FGL1: variants seen among roughly 807,000 people sequenced by gnomAD.
FGL1 encodes fibrinogen like 1.
Under a neutral mutation model 43.7 loss-of-function variants are expected in FGL1, and 59 were observed. The observed-to-expected ratio is 1.35, with a 90% CI of 1.10 to 1.68. FGL1 has a LOEUF of 1.68. Ranked by LOEUF, FGL1 falls within the 40% of genes most tolerant of loss-of-function variation. The probability of loss-of-function intolerance (pLI) is 0.00; values close to 1 mark genes in which losing one functional copy is unlikely to be tolerated. For synonymous variants in FGL1, 192 were observed against 126.5 expected, an observed-to-expected ratio of 1.52 and a Z score of -3.48; for missense variants, 596 against 373.0, an observed-to-expected ratio of 1.60 and a Z score of -4.92.
At chr8:17,883,985 A>G (rs2053590525) in intron 2 of FGL1, among the ~76,000 whole-genome samples, 2 of 130,546 alleles carry the variant, frequency 1.5e-5, no homozygotes. Flanking sequence ...TCCCATCCCT[A>G]GGTCCAAGTC....
chr8:17,880,194 G>A (rs1480821281), intron 3 of FGL1, among the ~76,000 whole-genome samples: 4 of 152,132 alleles, frequency 2.6e-5, no homozygotes, highest in Non-Finnish European at 5.9e-5. Flanking sequence ...TGATCTCTAA[G>A]GGCCAGAGGG....
At chr8:17,864,985 T>C (rs1056172486) in intron 7 of FGL1, among the ~76,000 whole-genome samples, 4 of 152,058 alleles carry the variant, frequency 2.6e-5, no homozygotes, top group African/African-American at 9.7e-5. Flanking sequence ...AGTGTCTCAC[T>C]GTGTTGCCCT....
intron 3 of FGL1, among the ~76,000 whole-genome samples, chr8:17,881,392 C>T (rs958178113): frequency 1.3e-4 from 20 of 151,890 alleles, no homozygotes; most frequent in African/African-American, 4.8e-4. Context: ...ACCTAGGCCT[C>T]CCAACGTGCT....
chr8:17,882,809 T>TAAATA (rs1424545986), intron 2 of FGL1: 8 of 118,668 alleles, frequency 6.7e-5, no homozygotes, highest in Middle Eastern at 4.7e-3. Context: ...TATTAAACAA[T>TAAATA]ATATAATATA....
chr8:17,868,653 C>G lies in FGL1; in HGVS notation c.674G>C (p.Trp225Ser). Residue 225 changes from tryptophan (W) to serine (S), a missense_variant, in exon 7 of 8, where the codon TGG becomes TCG. Trp to Ser is a radical substitution (Grantham distance 177). Transcript: ENST00000427924. ...TTTCATTCTTTGGTGACTAGCCCAC[C>G]ACTGCACCTCAGGATGAAAATTCCC... The part of the protein sequence containing the change: ...LAGNFHPEVQ[W>S]WASHQRMKFS... 1 of 1,614,088 alleles carries G rather than the reference C, an allele frequency of 6.2e-7. No individual in the cohort carries two copies. Among genetic ancestry groups the G allele is most frequent in the African/African-American group, 1.3e-5 (1 of 75,030 alleles).
chr8:17,864,465 G>C lies in FGL1; in HGVS notation c.*127C>G, dbSNP rs536295511. The C allele has an allele frequency of 3.1e-6, 3 of 980,266 alleles. No individual in the cohort carries two copies. The highest frequency in any genetic ancestry group is 4.4e-6 in the Non-Finnish European group (3 of 684,594). The allele number at this position is 980,266 out of a possible 1,614,324, so 60.7% of individuals were successfully genotyped here. ...AAAGCACATTAAGTAACAAAGGCAAGTGAGAAGAATGAAAAGCACTACTCA... is the reference window on the plus strand; with the variant it reads ...AAAGCACATTAAGTAACAAAGGCAACTGAGAAGAATGAAAAGCACTACTCA... On this transcript the variant is annotated 3_prime_UTR_variant, in exon 8 of 8. Transcript: ENST00000427924.
rs199534741 is a variant in FGL1, at chr8:17,868,652, C to G, written c.675G>C (p.Trp225Cys). Residue 225 changes from tryptophan (W) to cysteine (C), a missense_variant, in exon 7 of 8, where the codon TGG becomes TGC. Transcript: ENST00000427924. ...ATTTCATTCTTTGGTGACTAGCCCA[C>G]CACTGCACCTCAGGATGAAAATTCC... is the stretch of plus-strand genomic sequence containing the variant. ...LAGNFHPEVQ[W>C]WASHQRMKFS... 1 of 1,614,080 alleles carries G rather than the reference C, an allele frequency of 6.2e-7. No individual in the cohort carries two copies.
At chr8:17,893,086 A>G (rs377040778) in intron 1 of FGL1, among the ~76,000 whole-genome samples, 42 of 152,258 alleles carry the variant, frequency 2.8e-4, no homozygotes, top group African/African-American at 1.0e-3. Flanking sequence ...CTTTTATCCC[A>G]GCTACTGTGT....
intron 2 of FGL1, chr8:17,882,717 T>C (rs2053555634): frequency 1.7e-5 from 2 of 119,412 alleles, no homozygotes; most frequent in South Asian, 4.6e-4. Context: ...ATATATTATA[T>C]ATATTATATA....
At chr8:17,874,337 A>C in intron 4 of FGL1, 25 bp downstream of exon 4, 1 of 1,599,208 alleles carries the variant, frequency 6.3e-7, no homozygotes, top group South Asian at 1.1e-5. Context: ...GCTACATATA[A>C]AGTCTTACAT....
At position 17,882,092 on chromosome 8, in the gene FGL1, T is replaced by C. The variant is rs1430064702; in HGVS notation, c.151A>G (p.Ile51Val). The C allele has an allele frequency of 6.2e-7, 1 of 1,614,066 alleles. No homozygotes were observed. Among genetic ancestry groups the C allele is most frequent in the East Asian group, 2.2e-5 (1 of 44,870 alleles). Residue 51 changes from isoleucine (I) to valine (V), a missense_variant, in exon 3 of 8, where the codon ATC (isoleucine) becomes GTC (valine). Transcript: ENST00000427924. ...TCATTCTCCTGCAAAAGCTGCTTGATCTTGACCTGTTGCTGTTTGACCCGG... is the reference window on the plus strand; with the variant it reads ...TCATTCTCCTGCAAAAGCTGCTTGACCTTGACCTGTTGCTGTTTGACCCGG... ...ETRVKQQQVKIKQLLQENEVQ... is the reference protein window; with the variant it reads ...ETRVKQQQVKVKQLLQENEVQ...
chr8:17,872,302 T>TTTATTATTATTATTATCA (rs1554563590), intron 5 of FGL1, among the ~76,000 whole-genome samples: 1 of 146,798 alleles, frequency 6.8e-6, no homozygotes, highest in Non-Finnish European at 1.5e-5. Flanking sequence ...TCTTAATTAC[T>TTTATTATTATTATTATCA]TTATTATTAT....
chr8:17,868,506 T>C (rs977643247), intron 7 of FGL1, 42 bp downstream of exon 7: 1 of 1,470,822 alleles, frequency 6.8e-7, no homozygotes, highest in Non-Finnish European at 9.2e-7. Context: ...ATCAGTGAGA[T>C]ATCATCAACT....
intron 3 of FGL1, among the ~76,000 whole-genome samples, chr8:17,881,551 C>T (rs923159141): frequency 4.6e-5 from 7 of 150,726 alleles, no homozygotes; most frequent in Middle Eastern, 3.4e-3. Flanking sequence ...AGTAAAGTGT[C>T]GGCTGGGCAC....
intron 1 of FGL1, among the ~76,000 whole-genome samples, chr8:17,887,155 C>T (rs565358979): frequency 1.6e-4 from 24 of 146,938 alleles, no homozygotes; most frequent in Admixed American, 4.1e-4. Flanking sequence ...GCCAGGCAAC[C>T]GGCTCTACAC....
At chr8:17,865,557 T>A (rs1298181803) in intron 7 of FGL1, among the ~76,000 whole-genome samples, 2 of 152,206 alleles carry the variant, frequency 1.3e-5, no homozygotes, top group African/African-American at 4.8e-5. Flanking sequence ...TGAGTTAATT[T>A]TTTACATATA....
At chr8:17,895,016 G>A (rs1042837637) in intron 1 of FGL1, among the ~76,000 whole-genome samples, 1 of 151,408 alleles carries the variant, frequency 6.6e-6, no homozygotes, top group African/African-American at 2.4e-5. Flanking sequence ...TTGATGTCCT[G>A]AAATGTTCAT....
At chr8:17,869,838 G>A (rs989702480) in intron 5 of FGL1, among the ~76,000 whole-genome samples, 19 of 152,186 alleles carry the variant, frequency 1.2e-4, no homozygotes, top group African/African-American at 4.6e-4. Flanking sequence ...GGGCCGGGGC[G>A]GTGGCTCACG....
chr8:17,879,165 C>G (rs1441509218), intron 3 of FGL1, among the ~76,000 whole-genome samples: 3 of 151,594 alleles, frequency 2.0e-5, no homozygotes, highest in African/African-American at 7.3e-5. Context: ...TATCATCTGT[C>G]TTATTATTAT....
Sources: allele counts gnomAD v4.1 joint callset (sites outside exome capture counted in the v4.1 genomes callset), GRCh38; gene constraint gnomAD v4.1.1; transcripts MANE v1.5; gene names NCBI Gene and HGNC (gene_info 2026-07-23, HGNC 2026-07-21).